The following TRIM66 variants were observed in gnomAD, a reference collection of about 807,000 sequenced individuals.
TRIM66 encodes tripartite motif-containing protein 66.
Under a neutral mutation model 148.2 loss-of-function variants are expected in TRIM66, and 99 were observed. That is an observed-to-expected ratio of 0.67 (90% CI 0.57 to 0.79). The LOEUF (loss-of-function observed/expected upper bound fraction) is 0.79. TRIM66 is among the 30% of genes least tolerant of loss of function. The pLI, the probability that TRIM66 is intolerant of heterozygous loss-of-function variation, is 0.00. For synonymous variants in TRIM66, 616 were observed against 635.9 expected (o/e 0.97, Z 0.47); for missense variants, 1,666 against 1,697.9 (o/e 0.98, Z 0.33).
chr11:8,641,227 C>A, intron 13 of TRIM66, 75 bp from the exon 14 acceptor site: 2 of 1,301,756 alleles, frequency 1.5e-6, no homozygotes, highest in East Asian at 5.1e-5. Flanking sequence ...GCTCCTGGGA[C>A]AAAAGAACCT....
chr11:8,650,458 G>A (rs1407814029), intron 7 of TRIM66, among the ~76,000 whole-genome samples: 1 of 148,394 alleles, frequency 6.7e-6, no homozygotes, highest in East Asian at 2.1e-4. Context: ...AGGAGCAGAA[G>A]GAAAAGGAGG....
chr11:8,640,779 C>T lies in TRIM66; in HGVS notation c.1596G>A (p.Leu532=), dbSNP rs1166122355. The T allele has an allele frequency of 6.4e-7, 1 of 1,551,228 alleles. No individual in the cohort carries two copies. The highest frequency in any genetic ancestry group is 8.7e-7 in the Non-Finnish European group (1 of 1,146,994). Residue 532 remains leucine, a synonymous_variant, in exon 14 of 25, where the codon CTG becomes CTA. Coordinates refer to ENST00000646038, the MANE Select transcript of TRIM66 (RefSeq NM_001388022.1). The part of the protein sequence containing the change: ...PHPPKLLQPW[L]ETQPPVEQES... ...CCTGCTCCACGGGGGGCTGGGTTTC[C>T]AGCCAGGGCTGCAGCAGCTTTGGTG...
chr11:8,642,514 T>C (rs1461972650), intron 13 of TRIM66, among the ~76,000 whole-genome samples: 2 of 152,048 alleles, frequency 1.3e-5, no homozygotes, highest in East Asian at 3.9e-4. Flanking sequence ...GGAAGAAAAA[T>C]GCACAAGGCC....
chr11:8,647,078 T>G (rs1219195499), intron 10 of TRIM66, among the ~76,000 whole-genome samples: 1 of 96,620 alleles, frequency 1.0e-5, no homozygotes, highest in African/African-American at 3.4e-5. Context: ...AATTATATAA[T>G]AAACAATAAA....
chr11:8,640,623 G>A lies in TRIM66; in HGVS notation c.1752C>T (p.Gly584=). The A allele has an allele frequency of 6.4e-7, 1 of 1,551,638 alleles. No homozygotes were observed. Among genetic ancestry groups the A allele is most frequent in the East Asian group, 2.4e-5 (1 of 40,908 alleles). The change falls in exon 14 of 25, where the codon GGC becomes GGT. Residue 584 remains glycine, a synonymous_variant. Coordinates refer to ENST00000646038, the MANE Select transcript of TRIM66 (RefSeq NM_001388022.1). The stretch of plus-strand genomic sequence containing the variant: ...GACTGAGCTTCAGCTTCTGGTGGTG[G>A]CCAAACTGGACTTGGATAGAGGGTG... ...LQTPSIQVQF[G]HHQKLKLSHF... is the part of the protein sequence containing the mutation.
At chr11:8,631,597 T>C (rs72856523) in intron 15 of TRIM66, among the ~76,000 whole-genome samples, 1 of 152,290 alleles carries the variant, frequency 6.6e-6, no homozygotes, top group Non-Finnish European at 1.5e-5. Flanking sequence ...GGGCTTAGCT[T>C]GTTCTTTCAG....
rs1413208103 is a variant in TRIM66 at position 8,640,537 on chromosome 11, G to A, written c.1838C>T (p.Pro613Leu). 98 of 1,473,842 alleles carry A rather than the reference G, an allele frequency of 6.6e-5. 1 individual carries two copies. The East Asian group carries it at 2.4e-3, about 37-fold the overall frequency. 91.3% of individuals were successfully genotyped at this position (1,473,842 alleles called of 1,614,324 possible). A position where few individuals can be genotyped will look rare whatever the true frequency, so the allele number is the denominator to read the frequency against. The change falls in exon 14 of 25, where the codon CCA (proline) becomes CTA (leucine). Residue 613 changes from proline to leucine, a missense_variant. By Grantham distance (98) the Pro-to-Leu change is moderately conservative. This residue lies in a region of TRIM66 where 1,431 missense variants were observed against 1,412.4 expected (regional missense o/e 1.01). Transcript: ENST00000646038. Reference protein sequence around the residue: ...PPPPPPLPHPPPPLPPPPQQP... With the variant: ...PPPPPPLPHPLPPLPPPPQQP... ...CTGTGGGGGAGGGGGAAGGGGAGGT[G>A]GGGGATGGGGGAGGGGTGGTGGTGG...
Position 8,624,770 on chromosome 11 carries a change from T to C in TRIM66, c.2769A>G (p.Ser923=), listed in dbSNP as rs372942025. The change falls in exon 16 of 25, where the codon TCA becomes TCG. Residue 923 remains serine, a synonymous_variant. Transcript: ENST00000646038. ...TGSSSSSGRT[S]GSLCPRDGAD... is the part of the protein sequence containing the mutation. ...CCCCATCTCTGGGACACAGGCTCCC[T>C]GAAGTTCGGCCAGAACTGGAGCTGG... 1.1e-4 allele frequency: 171 copies of C among 1,549,318 alleles called. 1 individual carries two copies. The African/African-American group carries it at 1.9e-3, about 17-fold the overall frequency.
chr11:8,681,415 A>G (rs1166922093), intron 1 of TRIM66, among the ~76,000 whole-genome samples: 1 of 152,088 alleles, frequency 6.6e-6, no homozygotes, highest in East Asian at 1.9e-4. Context: ...TTACAGAAGT[A>G]AGCCACCACG....
chr11:8,666,341 GAAAAAAAAAAAAAAAAAA>G (rs558326812), intron 6 of TRIM66, among the ~76,000 whole-genome samples: 1 of 23,552 alleles, frequency 4.2e-5, no homozygotes, highest in Non-Finnish European at 1.3e-4. Flanking sequence ...CTCCGCCTCA[GAAAAAAAAAAAAAAAAAA>G]AAAAAAAAAA....
At position 8,682,630 on chromosome 11, in the gene TRIM66, C is replaced by T. The variant is rs972336283; in HGVS notation, c.-577G>A. The T allele has an allele frequency of 1.0e-5, 7 of 688,972 alleles. No homozygotes were observed. The highest frequency in any genetic ancestry group is 2.4e-5 in the Admixed American group (1 of 41,648). The allele number at this position is 688,972 out of a possible 1,614,324, so 42.7% of individuals were successfully genotyped here. A position where few individuals can be genotyped will look rare whatever the true frequency, so the allele number is the denominator to read the frequency against. ...ACCGTACACCGCCACCAGGACACTC[C>T]GTGATGGGGGATCACCACCCTCAGA... On this transcript the variant is annotated 5_prime_UTR_variant, in exon 1 of 25. Transcript: ENST00000646038.
Position 8,621,786 on chromosome 11 carries a change from C to A in TRIM66, c.3114G>T (p.Val1038=). The A allele has an allele frequency of 6.5e-7, 1 of 1,550,282 alleles. No individual in the cohort carries two copies. Among genetic ancestry groups the A allele is most frequent in the Non-Finnish European group, 8.7e-7 (1 of 1,146,516 alleles). The change falls in exon 19 of 25, where the codon GTG becomes GTT. Residue 1038 remains valine (V), a synonymous_variant. Coordinates refer to ENST00000646038, the MANE Select transcript of TRIM66 (RefSeq NM_001388022.1). ...AFNSEHKIPY[V]RLERLKICAA... ...CACAGATCTTGAGTCGCTCCAGTCG[C>A]ACATAGGGAATCTTATGCTCACTAT...
At chr11:8,661,897 C>G (rs1194759745) in intron 6 of TRIM66, among the ~76,000 whole-genome samples, 1 of 152,174 alleles carries the variant, frequency 6.6e-6, no homozygotes, top group Non-Finnish European at 1.5e-5. Context: ...CAAATCTGTT[C>G]TAGCTATAGC....
rs1242236365 is a variant in TRIM66 at position 8,618,993 on chromosome 11, G to A, written c.3901-25C>T. 17 of 1,543,976 alleles carry A rather than the reference G, an allele frequency of 1.1e-5. No homozygotes were observed. The South Asian group carries it at 1.4e-4, about 13-fold the overall frequency. On this transcript the variant is annotated intron_variant, in intron 23 of 24. Transcript: ENST00000646038. The stretch of plus-strand genomic sequence containing the variant: ...GCTGATGGGGGAGGAGAGCAGTGAT[G>A]GTCTAGCCTGTTTCTACCAGTCCAT...
intron 6 of TRIM66, among the ~76,000 whole-genome samples, chr11:8,668,939 C>T (rs1178590275): frequency 6.6e-6 from 1 of 152,168 alleles, no homozygotes; most frequent in Non-Finnish European, 1.5e-5. Flanking sequence ...CTCCTGAGGT[C>T]CAGCCTTTGA....
At chr11:8,642,574 C>T (rs534151014) in intron 13 of TRIM66, among the ~76,000 whole-genome samples, 1 of 152,234 alleles carries the variant, frequency 6.6e-6, no homozygotes, top group East Asian at 1.9e-4. Flanking sequence ...CTGTGTGACA[C>T]AAACATGCAC....
intron 21 of TRIM66, 75 bp downstream of exon 21, chr11:8,620,371 C>CA (rs772060349): frequency 6.5e-7 from 1 of 1,531,594 alleles, no homozygotes; most frequent in Non-Finnish European, 8.8e-7. Context: ...CATCCCCTCT[C>CA]AAAGGCCTCA....
chr11:8,636,540 A>G (rs2035896444), intron 15 of TRIM66, among the ~76,000 whole-genome samples: 1 of 152,016 alleles, frequency 6.6e-6, no homozygotes, highest in South Asian at 2.1e-4. Flanking sequence ...CAGTGGGTCA[A>G]GACAGATCCA....
chr11:8,682,880 T>C, upstream of TRIM66: 3 of 1,555,446 alleles, frequency 1.9e-6, no homozygotes, highest in Non-Finnish European at 2.6e-6. Context: ...GTATTCCCAT[T>C]GCCCCTAGTC....
Sources: allele counts gnomAD v4.1 joint callset (sites outside exome capture counted in the v4.1 genomes callset), GRCh38; gene constraint gnomAD v4.1.1; regional missense constraint gnomAD v4.1.1; transcripts MANE v1.5; gene names NCBI Gene and HGNC (gene_info 2026-07-23, HGNC 2026-07-21).